The following ASIC2 variants were observed in gnomAD, a reference collection of about 807,000 sequenced individuals.
The protein encoded by ASIC2 is acid sensing ion channel subunit 2, also known as acid-sensing ion channel 2.
A neutral mutation model predicts 57.3 loss-of-function variants in ASIC2; 25 were observed. That is an observed-to-expected ratio of 0.44 (90% CI 0.32 to 0.61). The LOEUF is 0.61. Ranked by LOEUF, ASIC2 falls within the 20% of genes least tolerant of loss-of-function variation. The pLI is 0.06. For synonymous variants in ASIC2, 319 were observed against 307.5 expected (o/e 1.04, Z -0.39); for missense variants, 641 against 738.1 (o/e 0.87, Z 1.52).
intron 1 of ASIC2, among the ~76,000 whole-genome samples, chr17:33,261,632 T>C (rs1047109582): frequency 2.0e-5 from 3 of 152,166 alleles, no homozygotes; most frequent in Non-Finnish European, 4.4e-5. Context: ...CTAAGAGCTG[T>C]ATATATGCCA....
intron 1 of ASIC2, among the ~76,000 whole-genome samples, chr17:33,919,339 A>G (rs751216493): frequency 6.6e-5 from 10 of 152,218 alleles, no homozygotes; most frequent in Non-Finnish European, 1.5e-4. Flanking sequence ...ATTCTGCAGA[A>G]AAGGGAACCC....
chr17:33,471,412 T>C lies in ASIC2; in HGVS notation c.556-359345A>G, dbSNP rs139851505. Among the ~76,000 whole-genome samples the C allele has an allele frequency of 2.3e-3, 352 of 152,324 alleles. 3 individuals are homozygous for C. The highest frequency in any genetic ancestry group is 8.2e-3 in the African/African-American group (343 of 41,582). ...GGATTTCATTAATTATTTCTTTTCT[T>C]CTTTTTTTGAGTCAAATCATTTGTG... On this transcript the variant is annotated intron_variant, in intron 1 of 9. Transcript: ENST00000359872.
intron 1 of ASIC2, among the ~76,000 whole-genome samples, chr17:33,204,640 C>A (rs901020481): frequency 6.6e-6 from 1 of 152,344 alleles, no homozygotes; most frequent in Admixed American, 6.5e-5. Flanking sequence ...ATCCTCCAGC[C>A]AAGTTGGGTC....
rs578001588 is a variant in ASIC2 at position 33,127,469 on chromosome 17, G to A, written c.709-15402C>T. On this transcript the variant is annotated intron_variant, in intron 1 of 9. Transcript: ENST00000225823. The stretch of plus-strand genomic sequence containing the variant: ...GTGAAACCTCTTGAGTACCAATTCC[G>A]TCCTAGACATGGCAGAGGGACGCCT... 4.1e-4 allele frequency among the ~76,000 whole-genome samples: 62 copies of A among 152,262 alleles called. No homozygotes were observed. The South Asian group carries it at 6.0e-3, about 15-fold the overall frequency.
chr17:33,859,095 C>G (rs1261224933), intron 1 of ASIC2, among the ~76,000 whole-genome samples: 1 of 152,110 alleles, frequency 6.6e-6, no homozygotes, highest in Non-Finnish European at 1.5e-5. Flanking sequence ...TGTTTAAGAC[C>G]AACTGTGTCC....
intron 1 of ASIC2, among the ~76,000 whole-genome samples, chr17:33,989,981 C>T (rs753217909): frequency 1.6e-4 from 24 of 152,194 alleles, no homozygotes; most frequent in South Asian, 8.3e-4. Flanking sequence ...GTCAGCCCTT[C>T]GTGCATAATT....
intron 1 of ASIC2, among the ~76,000 whole-genome samples, chr17:33,723,827 G>A (rs1340978685): frequency 6.6e-6 from 1 of 152,190 alleles, no homozygotes; most frequent in Non-Finnish European, 1.5e-5. Context: ...ACCCTATCAA[G>A]CAGTACACTT....
intron 1 of ASIC2, among the ~76,000 whole-genome samples, chr17:33,264,656 A>G (rs1484264368): frequency 2.0e-5 from 3 of 152,208 alleles, no homozygotes; most frequent in Non-Finnish European, 2.9e-5. Flanking sequence ...TCAAGAGCCA[A>G]GCGATCAGTG....
intron 1 of ASIC2, among the ~76,000 whole-genome samples, chr17:33,309,510 C>A (rs1906318245): frequency 6.6e-6 from 1 of 152,156 alleles, no homozygotes; most frequent in African/African-American, 2.4e-5. Context: ...GGCTGTTGAA[C>A]TTAGTCTGTC....
intron 1 of ASIC2, among the ~76,000 whole-genome samples, chr17:34,053,431 T>C (rs1238169858): frequency 1.3e-5 from 2 of 152,210 alleles, no homozygotes; most frequent in African/African-American, 4.8e-5. Flanking sequence ...ATACAGCATT[T>C]TGAAAAAGAT....
chr17:33,466,464 T>A (rs920045312), intron 1 of ASIC2, among the ~76,000 whole-genome samples: 6 of 152,160 alleles, frequency 3.9e-5, no homozygotes, highest in Admixed American at 2.6e-4. Context: ...CACCAATGAC[T>A]TTCTCCACAG....
intron 8 of ASIC2, among the ~76,000 whole-genome samples, chr17:33,016,583 G>T (rs1411791820): frequency 2.0e-5 from 3 of 152,112 alleles, no homozygotes; most frequent in African/African-American, 7.2e-5. Context: ...AAACAAAGCA[G>T]AATAAAATCT....
chr17:33,501,374 C>T (rs1049126855), intron 1 of ASIC2, among the ~76,000 whole-genome samples: 1 of 152,158 alleles, frequency 6.6e-6, no homozygotes, highest in South Asian at 2.1e-4. Flanking sequence ...GACAGGGAAA[C>T]TGGAAAATGC....
intron 1 of ASIC2, among the ~76,000 whole-genome samples, chr17:33,614,781 A>C (rs148822187): frequency 1.3e-5 from 2 of 152,208 alleles, no homozygotes; most frequent in African/African-American, 4.8e-5. Context: ...AAATCATTAG[A>C]TATTCTTCCA....
intron 1 of ASIC2, among the ~76,000 whole-genome samples, chr17:34,115,018 T>C (rs2142114251): frequency 6.6e-6 from 1 of 152,330 alleles, no homozygotes; most frequent in African/African-American, 2.4e-5. Context: ...GAGAAACAAC[T>C]TTCCCTCCGT....
At chr17:33,897,993 C>T (rs1418288984) in intron 1 of ASIC2, among the ~76,000 whole-genome samples, 1 of 152,122 alleles carries the variant, frequency 6.6e-6, no homozygotes, top group Non-Finnish European at 1.5e-5. Context: ...GGAGTCAGTG[C>T]CAGCAATATG....
intron 1 of ASIC2, among the ~76,000 whole-genome samples, chr17:33,501,881 G>A (rs60947492): frequency 0.39 from 59,007 of 152,094 alleles, 11,932 homozygotes; most frequent in Non-Finnish European, 0.46. Context: ...TGGGGTAAGG[G>A]GCCAGGTAGG....
chr17:33,917,890 G>GCA (rs71364627), intron 1 of ASIC2, among the ~76,000 whole-genome samples: 23,473 of 132,518 alleles, frequency 0.18, 2,649 homozygotes, highest in South Asian at 0.24. Flanking sequence ...ACGTGCATGT[G>GCA]CACACACACA....
chr17:33,622,234 C>A (rs1332426054), intron 1 of ASIC2, among the ~76,000 whole-genome samples: 1 of 152,060 alleles, frequency 6.6e-6, no homozygotes, highest in African/African-American at 2.4e-5. Context: ...CTTTGTGGAG[C>A]AGTTGACATT....
Sources: gnomAD v4.1 joint callset for allele counts (sites outside exome capture counted in the v4.1 genomes callset) on GRCh38, gnomAD v4.1.1 for gene constraint, MANE v1.5 for transcripts, NCBI Gene and HGNC (gene_info 2026-07-23, HGNC 2026-07-21) for gene names.